PALS1: variants seen among roughly 807,000 people sequenced by gnomAD.
PALS1 encodes the protein protein associated with LIN7 1, MAGUK p55 family member.
Under a neutral mutation model 78.9 loss-of-function variants are expected in PALS1, and 31 were observed. The ratio of observed to expected loss-of-function variants is 0.39; its 90% CI spans 0.30 to 0.53. The LOEUF (loss-of-function observed/expected upper bound fraction) is 0.53. PALS1 is among the 20% of genes least tolerant of loss of function. PALS1 has a pLI of 0.67. For missense variants in PALS1, 704 were observed against 826.5 expected (o/e 0.85, Z 1.82); for synonymous variants, 276 against 270.9 (o/e 1.02, Z -0.18).
chr14:67,264,693 C>T (rs1396407381), intron 1 of PALS1, among the ~76,000 whole-genome samples: 5 of 151,906 alleles, frequency 3.3e-5, no homozygotes, highest in South Asian at 2.1e-4. Context: ...GTGTTTTTTT[C>T]GAGCTCTTTT....
At chr14:67,301,587 A>AC in intron 5 of PALS1, 121 bp downstream of exon 5, 1 of 552,294 alleles carries the variant, frequency 1.8e-6, no homozygotes, top group Non-Finnish European at 3.1e-6. Context: ...GATGTTTACA[A>AC]CCCCATCTAT....
rs920353598 is a variant in PALS1, at chr14:67,295,322, T to TA, written c.576+2613dup. On this transcript the variant is annotated intron_variant, in intron 4 of 14. Transcript: ENST00000261681. The stretch of plus-strand genomic sequence containing the variant: ...CAACATGGTGAAACCTGGTCTCTAC[T>TA]AAAAAAAAAATACAAAAATTAGCTG... Among the ~76,000 whole-genome samples the TA allele has an allele frequency of 5.0e-4, 74 of 146,900 alleles. 1 individual carries two copies. Among genetic ancestry groups the TA allele is most frequent in the South Asian group, 3.9e-3 (18 of 4,594 alleles).
intron 1 of PALS1, among the ~76,000 whole-genome samples, chr14:67,255,706 A>C (rs2084134566): frequency 6.6e-6 from 1 of 152,174 alleles, no homozygotes; most frequent in Non-Finnish European, 1.5e-5. Context: ...TTTGAGATGG[A>C]GTCTCGCTCT....
intron 1 of PALS1, among the ~76,000 whole-genome samples, chr14:67,252,454 A>G (rs952127974): frequency 6.6e-6 from 1 of 152,120 alleles, no homozygotes; most frequent in Non-Finnish European, 1.5e-5. Context: ...CGTGCTCAGC[A>G]TTTAGCAAAC....
intron 11 of PALS1, among the ~76,000 whole-genome samples, chr14:67,317,963 T>C (rs1022779358): frequency 6.6e-6 from 1 of 152,246 alleles, no homozygotes; most frequent in African/African-American, 2.4e-5. Flanking sequence ...CTAGTATTCC[T>C]AGGTGACAAC....
At chr14:67,257,479 G>C (rs1490961739) in intron 1 of PALS1, among the ~76,000 whole-genome samples, 1 of 152,026 alleles carries the variant, frequency 6.6e-6, no homozygotes. Context: ...TACTTACTTT[G>C]CTTTCACAGG....
At chr14:67,325,005 C>T (rs1595619121) in intron 14 of PALS1, among the ~76,000 whole-genome samples, 1 of 145,928 alleles carries the variant, frequency 6.9e-6, no homozygotes, top group Admixed American at 7.1e-5. Context: ...CCCAGGTTCA[C>T]GCCATTCTCC....
At chr14:67,256,400 TA>T (rs1258367637) in intron 1 of PALS1, among the ~76,000 whole-genome samples, 1 of 152,190 alleles carries the variant, frequency 6.6e-6, no homozygotes, top group Admixed American at 6.5e-5. Flanking sequence ...GTCTGGGTAT[TA>T]TATATTTTAA....
At chr14:67,254,031 C>G (rs1256141454) in intron 1 of PALS1, among the ~76,000 whole-genome samples, 4 of 141,672 alleles carry the variant, frequency 2.8e-5, no homozygotes, top group Non-Finnish European at 6.0e-5. Flanking sequence ...TTCATCCCCC[C>G]CCCCTTACAA....
intron 4 of PALS1, chr14:67,294,355 A>G (rs992975457): frequency 2.6e-5 from 4 of 152,204 alleles, no homozygotes; most frequent in East Asian, 1.9e-4. Context: ...TAAATCTGAT[A>G]ACAAAATCGT....
At chr14:67,304,900 AAC>A (rs1373064350) in intron 8 of PALS1, among the ~76,000 whole-genome samples, 4 of 152,206 alleles carry the variant, frequency 2.6e-5, no homozygotes, top group South Asian at 4.1e-4. Flanking sequence ...TTTGAGAAAG[AAC>A]ACAGTTTCAT....
At chr14:67,260,979 T>C (rs1200209255) in intron 1 of PALS1, among the ~76,000 whole-genome samples, 1 of 152,164 alleles carries the variant, frequency 6.6e-6, no homozygotes, top group Non-Finnish European at 1.5e-5. Context: ...TAAAATGCCC[T>C]GGAGTCAAGC....
intron 14 of PALS1, among the ~76,000 whole-genome samples, chr14:67,327,871 C>G (rs145317703): frequency 6.6e-6 from 1 of 152,348 alleles, no homozygotes; most frequent in African/African-American, 2.4e-5. Flanking sequence ...GCCACATTTT[C>G]TTAATCCAGT....
chr14:67,314,778 T>C (rs2085142786), intron 9 of PALS1, among the ~76,000 whole-genome samples: 1 of 152,236 alleles, frequency 6.6e-6, no homozygotes, highest in Admixed American at 6.5e-5. Flanking sequence ...TCCATCAGAA[T>C]TAGACAGATT....
At position 67,316,834 on chromosome 14, in the gene PALS1, A is replaced by G. The variant is rs1385026937; in HGVS notation, c.1228A>G (p.Lys410Glu). The change falls in exon 10 of 15, where the codon AAA becomes GAA. Residue 410 changes from lysine to glutamate, a missense_variant and splice_region_variant. Coordinates refer to ENST00000261681, the MANE Select transcript of PALS1 (RefSeq NM_022474.4). ...TTCTTTTTCTTTCTGCTATTAAGGG[A>G]AAAGCTTTCAGCAGCAAAGGGAAGC... ...NQPLAGLVPG[K>E]SFQQQREAMK... The G allele has an allele frequency of 3.1e-6, 5 of 1,608,860 alleles. No homozygotes were observed. Among genetic ancestry groups the G allele is most frequent in the Non-Finnish European group, 3.4e-6 (4 of 1,177,880 alleles).
intron 8 of PALS1, among the ~76,000 whole-genome samples, chr14:67,309,330 G>T (rs2140933017): frequency 1.3e-5 from 2 of 152,256 alleles, no homozygotes; most frequent in South Asian, 4.2e-4. Flanking sequence ...TATAGTATCT[G>T]TTAAGGCAAT....
intron 3 of PALS1, among the ~76,000 whole-genome samples, chr14:67,283,824 A>G (rs1370857850): frequency 3.9e-5 from 6 of 152,360 alleles, no homozygotes; most frequent in South Asian, 2.1e-4. Flanking sequence ...AGTCTTTGAC[A>G]CAATACGTTG....
chr14:67,274,400 T>G (rs8016480), intron 2 of PALS1, among the ~76,000 whole-genome samples: 3 of 152,138 alleles, frequency 2.0e-5, no homozygotes, highest in Non-Finnish European at 4.4e-5. Flanking sequence ...CATTTTTGTT[T>G]TTGTCAGGTT....
intron 8 of PALS1, among the ~76,000 whole-genome samples, chr14:67,307,452 AAC>A (rs2085021323): frequency 6.6e-6 from 1 of 152,248 alleles, no homozygotes; most frequent in African/African-American, 2.4e-5. Context: ...CCAGAAAATT[AAC>A]AGATTATTGA....
Sources: allele counts gnomAD v4.1 joint callset (sites outside exome capture counted in the v4.1 genomes callset), GRCh38; gene constraint gnomAD v4.1.1; transcripts MANE v1.5; gene names NCBI Gene and HGNC (gene_info 2026-07-23, HGNC 2026-07-21).